UBE2R2: variants seen among roughly 807,000 people sequenced by gnomAD.
The protein encoded by UBE2R2 is ubiquitin-conjugating enzyme E2 R2.
In UBE2R2, 1 loss-of-function variant was observed where a neutral mutation model predicts 27.8. The observed-to-expected ratio is 0.04, with a 90% confidence interval of 0.01 to 0.17. UBE2R2 has a LOEUF of 0.17. Ranked by LOEUF, UBE2R2 falls within the 10% of genes least tolerant of loss-of-function variation. UBE2R2 has a pLI of 1.00. For missense variants in UBE2R2, 100 were observed against 291.0 expected (o/e 0.34, Z 4.78); for synonymous variants, 106 against 113.3 (o/e 0.94, Z 0.41).
chr9:33,884,276 T>G (rs1452204903), intron 1 of UBE2R2, among the ~76,000 whole-genome samples: 2 of 126,344 alleles, frequency 1.6e-5, no homozygotes, highest in African/African-American at 5.7e-5. Context: ...CCCTTTATTT[T>G]TTCTTTTTCT....
At chr9:33,899,071 G>A (rs1179944894) in intron 2 of UBE2R2, among the ~76,000 whole-genome samples, 1 of 152,168 alleles carries the variant, frequency 6.6e-6, no homozygotes, top group Non-Finnish European at 1.5e-5. Context: ...TATTGACATA[G>A]CATCTATCTG....
intron 1 of UBE2R2, among the ~76,000 whole-genome samples, chr9:33,841,391 G>A (rs1820730288): frequency 6.6e-6 from 1 of 152,074 alleles, no homozygotes; most frequent in Non-Finnish European, 1.5e-5. Context: ...TATGTCTTTG[G>A]CCAGTTGGAG....
intron 1 of UBE2R2, among the ~76,000 whole-genome samples, chr9:33,831,288 A>G (rs750779305): frequency 6.6e-6 from 1 of 152,116 alleles, no homozygotes; most frequent in Non-Finnish European, 1.5e-5. Context: ...CAAAGAAAAA[A>G]GAAACAGTGG....
At chr9:33,852,552 G>A (rs1254573220) in intron 1 of UBE2R2, among the ~76,000 whole-genome samples, 4 of 152,196 alleles carry the variant, frequency 2.6e-5, no homozygotes, top group Non-Finnish European at 4.4e-5. Context: ...GATTGGGCGA[G>A]GAGAATGCTG....
At chr9:33,816,971 G>C (rs1331592715), upstream of UBE2R2, among the ~76,000 whole-genome samples, 1 of 150,248 alleles carries the variant, frequency 6.7e-6, no homozygotes, top group Non-Finnish European at 1.5e-5. Flanking sequence ...AAAGCGCCGC[G>C]ACCGCGCGGG....
At position 33,917,271 on chromosome 9, in the gene UBE2R2, A is replaced by G. The variant is rs371982376; in HGVS notation, c.*34A>G. 587 of 1,610,086 alleles carry G rather than the reference A, an allele frequency of 3.6e-4. 5 individuals are homozygous for G. The highest frequency in any genetic ancestry group is 2.6e-3 in the South Asian group (239 of 90,952). On this transcript the variant is annotated 3_prime_UTR_variant, in exon 5 of 5. Transcript: ENST00000263228. ...TTCAGTGCCCCTGTACTGCCCTGCC[A>G]TCTCAGGCCAAAGGGAGGGGAGCAA...
At chr9:33,829,242 A>G (rs1366259163) in intron 1 of UBE2R2, among the ~76,000 whole-genome samples, 1 of 152,168 alleles carries the variant, frequency 6.6e-6, no homozygotes, top group Non-Finnish European at 1.5e-5. Context: ...AGAATGATAA[A>G]TCATATTTCA....
In UBE2R2 at chr9:33,910,737, C is replaced by G. The variant is rs975840330; in HGVS notation, c.363-1227C>G. 5.9e-5 allele frequency among the ~76,000 whole-genome samples: 9 copies of G among 152,330 alleles called. 1 individual carries two copies. Among genetic ancestry groups the G allele is most frequent in the South Asian group, 4.1e-4 (2 of 4,830 alleles). On this transcript the variant is annotated intron_variant, in intron 3 of 4. Coordinates refer to ENST00000263228, the MANE Select transcript of UBE2R2 (RefSeq NM_017811.4). ...CCTCCATTCTCCTGCATTACTCTGT[C>G]TTCCTTCCAAGTATGGAAAAAATAC...
chr9:33,910,410 G>A (rs1822458475), intron 3 of UBE2R2, among the ~76,000 whole-genome samples: 1 of 152,150 alleles, frequency 6.6e-6, no homozygotes, highest in Admixed American at 6.5e-5. Context: ...GCCTCCCAAA[G>A]TGCTGGGATT....
chr9:33,911,005 G>A lies in UBE2R2; in HGVS notation c.363-959G>A, dbSNP rs1587484705. ...TGTAATCCCAGCTACTCAGGAGGCT[G>A]AGACAGGAGAATTACTTGAACCCAG... On this transcript the variant is annotated intron_variant, in intron 3 of 4. Coordinates refer to ENST00000263228, the MANE Select transcript of UBE2R2 (RefSeq NM_017811.4). Among the ~76,000 whole-genome samples, 3 of 152,286 alleles carry A rather than the reference G, an allele frequency of 2.0e-5. 1 individual carries two copies. In the Middle Eastern group the frequency reaches 0.01, roughly 518 times the overall value.
rs1274029553 is a variant in UBE2R2, at chr9:33,920,254, G to T, written c.*3017G>T. The T allele has an allele frequency of 6.6e-6, 1 of 152,664 alleles. No homozygotes were observed. Among genetic ancestry groups the T allele is most frequent in the Non-Finnish European group, 1.5e-5 (1 of 68,028 alleles). The allele number at this position is 152,664 out of a possible 1,614,324, so 9.5% of individuals were successfully genotyped here. A position where few individuals can be genotyped will look rare whatever the true frequency, so the allele number is the denominator to read the frequency against. On this transcript the variant is annotated 3_prime_UTR_variant, in exon 5 of 5. Transcript: ENST00000263228. Reference sequence around the variant, plus strand: ...TTTAATAGTTTTAGCTGAAATTGTAGATGTTTTGCTTCAGTTTAACTTATG... The same window carrying T: ...TTTAATAGTTTTAGCTGAAATTGTATATGTTTTGCTTCAGTTTAACTTATG...
At chr9:33,859,795 T>TGAGA (rs1056972987) in intron 1 of UBE2R2, among the ~76,000 whole-genome samples, 1 of 82,148 alleles carries the variant, frequency 1.2e-5, no homozygotes, top group African/African-American at 4.8e-5. Context: ...TGTGTGTGTG[T>TGAGA]GTGTGAGAGA....
At chr9:33,881,741 T>A (rs1188618534) in intron 1 of UBE2R2, among the ~76,000 whole-genome samples, 1 of 152,196 alleles carries the variant, frequency 6.6e-6, no homozygotes, top group Non-Finnish European at 1.5e-5. Flanking sequence ...ACTTACTACA[T>A]CATATCAGGG....
chr9:33,818,045 C>T (rs1445425619), intron 1 of UBE2R2, 111 bp downstream of exon 1: 2 of 1,286,868 alleles, frequency 1.6e-6, no homozygotes, highest in Non-Finnish European at 2.1e-6. Context: ...GTGGAGGGGG[C>T]TTCTCACCCG....
upstream of UBE2R2, among the ~76,000 whole-genome samples, chr9:33,816,029 G>A (rs1423351061): frequency 6.6e-6 from 1 of 151,866 alleles, no homozygotes; most frequent in East Asian, 1.9e-4. Flanking sequence ...GGCCATGATC[G>A]CGCCACTGTG....
intron 1 of UBE2R2, among the ~76,000 whole-genome samples, chr9:33,838,471 CT>C (rs1820662834): frequency 6.6e-6 from 1 of 151,728 alleles, no homozygotes; most frequent in Non-Finnish European, 1.5e-5. Context: ...TCATGGTAAA[CT>C]TTCCTGAGAT....
intron 4 of UBE2R2, 54 bp from the exon 5 acceptor site, chr9:33,916,964 T>C: frequency 1.3e-6 from 2 of 1,596,280 alleles, no homozygotes; most frequent in Non-Finnish European, 1.7e-6. Context: ...CAATTATAAA[T>C]CTGTCTTAAA....
chr9:33,917,279 C>T lies in UBE2R2; in HGVS notation c.*42C>T. 6.2e-7 allele frequency: 1 copy of T among 1,607,390 alleles called. No homozygotes were observed. Among genetic ancestry groups the T allele is most frequent in the Middle Eastern group, 1.7e-4 (1 of 5,718 alleles). On this transcript the variant is annotated 3_prime_UTR_variant, in exon 5 of 5. Transcript: ENST00000263228. ...CCCTGTACTGCCCTGCCATCTCAGGCCAAAGGGAGGGGAGCAAGTGGGGAC... is the reference window on the plus strand; with the variant it reads ...CCCTGTACTGCCCTGCCATCTCAGGTCAAAGGGAGGGGAGCAAGTGGGGAC...
intron 1 of UBE2R2, among the ~76,000 whole-genome samples, chr9:33,884,396 A>G (rs1587468141): frequency 6.9e-6 from 1 of 145,346 alleles, no homozygotes; most frequent in South Asian, 2.2e-4. Flanking sequence ...TGATCCTCCC[A>G]CCTCAGCCTC....
Sources: allele counts gnomAD v4.1 joint callset (sites outside exome capture counted in the v4.1 genomes callset), GRCh38; gene constraint gnomAD v4.1.1; transcripts MANE v1.5; gene names NCBI Gene and HGNC (gene_info 2026-07-23, HGNC 2026-07-21).